The following TENM3 variants were observed in gnomAD, a reference collection of about 807,000 sequenced individuals.
TENM3 encodes the protein teneurin transmembrane protein 3, also known as teneurin-3.
In TENM3, 63 loss-of-function variants were observed where a neutral mutation model predicts 255.1. The ratio of observed to expected loss-of-function variants is 0.25; its 90% CI spans 0.20 to 0.30. The LOEUF (loss-of-function observed/expected upper bound fraction) is 0.30, where lower values mean the gene tolerates loss of function less well. Ranked by LOEUF, TENM3 falls within the 10% of genes least tolerant of loss-of-function variation. TENM3 has a pLI of 1.00. For missense variants in TENM3, 2,929 were observed against 3,461.1 expected (o/e 0.85, Z 3.86); for synonymous variants, 1,306 against 1,322.3 (o/e 0.99, Z 0.27).
At chr4:182,626,939 A>G (rs953062121) in intron 4 of TENM3, among the ~76,000 whole-genome samples, 4 of 152,150 alleles carry the variant, frequency 2.6e-5, no homozygotes, top group African/African-American at 4.8e-5. Context: ...AAGAAAAAAA[A>G]CTGAGGTTCC....
intron 12 of TENM3, among the ~76,000 whole-genome samples, chr4:182,705,307 C>G (rs1758191865): frequency 6.6e-6 from 1 of 152,168 alleles, no homozygotes; most frequent in Non-Finnish European, 1.5e-5. Context: ...TTATGAAATG[C>G]TCAATGCTAA....
chr4:181,909,493 C>T, the TENM3 span, among the ~76,000 whole-genome samples: 3 of 152,202 alleles, frequency 2.0e-5, no homozygotes, highest in East Asian at 1.9e-4. Context: ...TAAGTCCGGC[C>T]GCCTCACCCA....
the TENM3 span, among the ~76,000 whole-genome samples, chr4:182,076,255 G>C: frequency 4.0e-4 from 51 of 126,250 alleles, no homozygotes; most frequent in South Asian, 0.012. Context: ...TTGCTCTGTT[G>C]CCAGGTTGGC....
At position 182,656,582 on chromosome 4, in the gene TENM3, T is replaced by C. The variant is rs376252825; in HGVS notation, c.1111+2689T>C. Among the ~76,000 whole-genome samples, 9 of 152,138 alleles carry C rather than the reference T, an allele frequency of 5.9e-5. No individual in the cohort carries two copies. In the East Asian group the frequency reaches 1.7e-3, roughly 29 times the overall value. On this transcript the variant is annotated intron_variant, in intron 6 of 27. Transcript: ENST00000511685. The stretch of plus-strand genomic sequence containing the variant: ...TTTTATATGCTATCCAAGAAGCAGA[T>C]CACATCATCTCTTTAGAAATTCTAG...
chr4:181,520,604 C>A, the TENM3 span, among the ~76,000 whole-genome samples: 5 of 152,192 alleles, frequency 3.3e-5, no homozygotes, highest in African/African-American at 7.2e-5. Flanking sequence ...ACTTAAATAG[C>A]TTTGCCCAAG....
chr4:181,454,480 A>G, the TENM3 span, among the ~76,000 whole-genome samples: 1 of 152,100 alleles, frequency 6.6e-6, no homozygotes, highest in African/African-American at 2.4e-5. Context: ...AATAAAGTCT[A>G]CAGTAGTGTG....
intron 3 of TENM3, among the ~76,000 whole-genome samples, chr4:182,568,704 T>C (rs568029309): frequency 1.3e-5 from 2 of 152,320 alleles, no homozygotes; most frequent in African/African-American, 4.8e-5. Context: ...AGCACCCTTA[T>C]TCAGAATTAC....
the TENM3 span, among the ~76,000 whole-genome samples, chr4:182,014,668 T>C: frequency 6.6e-6 from 1 of 151,978 alleles, no homozygotes; most frequent in Admixed American, 6.6e-5. Context: ...GATCCTGAGG[T>C]GAGAAGCAAA....
At chr4:182,029,370 A>G in the TENM3 span, among the ~76,000 whole-genome samples, 1 of 152,170 alleles carries the variant, frequency 6.6e-6, no homozygotes, top group Non-Finnish European at 1.5e-5. Context: ...AACTATATCA[A>G]GTCCAATGTT....
At chr4:181,577,138 A>G in the TENM3 span, among the ~76,000 whole-genome samples, 1 of 134,550 alleles carries the variant, frequency 7.4e-6, no homozygotes, top group African/African-American at 2.8e-5. Context: ...TAATAATATA[A>G]TATATAATTA....
chr4:182,000,020 G>A, the TENM3 span, among the ~76,000 whole-genome samples: 4 of 152,022 alleles, frequency 2.6e-5, no homozygotes. Context: ...TAATCCATTT[G>A]ATGAAAATTA....
Position 182,365,914 on chromosome 4 carries a change from G to A in TENM3, c.511+18985G>A, listed in dbSNP as rs117892982. Reference sequence around the variant, plus strand: ...ACAGCCTGTTACTGTACAGAATACCGCAGGCATTCATAACACAATGGTATT... The same window carrying A: ...ACAGCCTGTTACTGTACAGAATACCACAGGCATTCATAACACAATGGTATT... On this transcript the variant is annotated intron_variant, in intron 3 of 27. Coordinates refer to ENST00000511685, the MANE Select transcript of TENM3 (RefSeq NM_001080477.4). 3.3e-4 allele frequency among the ~76,000 whole-genome samples: 50 copies of A among 152,224 alleles called. No individual in the cohort carries two copies. The East Asian group carries it at 5.4e-3, about 16-fold the overall frequency.
chr4:182,134,132 T>A, the TENM3 span, among the ~76,000 whole-genome samples: 1 of 152,204 alleles, frequency 6.6e-6, no homozygotes, highest in African/African-American at 2.4e-5. Flanking sequence ...CAAATTTCAA[T>A]AAGGAACCTC....
At chr4:182,137,162 C>T in the TENM3 span, among the ~76,000 whole-genome samples, 6 of 152,204 alleles carry the variant, frequency 3.9e-5, no homozygotes, top group African/African-American at 1.4e-4. Context: ...GTCACTCAAA[C>T]TGCACCAAAT....
At chr4:181,631,876 G>C in the TENM3 span, among the ~76,000 whole-genome samples, 1 of 152,160 alleles carries the variant, frequency 6.6e-6, no homozygotes, top group South Asian at 2.1e-4. Flanking sequence ...CTGCTCTAGT[G>C]TATCAACTTT....
the TENM3 span, among the ~76,000 whole-genome samples, chr4:181,538,012 T>C: frequency 1.3e-5 from 2 of 152,168 alleles, no homozygotes; most frequent in Admixed American, 6.5e-5. Flanking sequence ...TATTGATATA[T>C]TTGGTGAATT....
chr4:181,920,693 CT>C, the TENM3 span, among the ~76,000 whole-genome samples: 2 of 151,600 alleles, frequency 1.3e-5, no homozygotes, highest in Non-Finnish European at 2.9e-5. Flanking sequence ...TGCCTGTTCA[CT>C]CTGATGGTAG....
intron 3 of TENM3, among the ~76,000 whole-genome samples, chr4:182,417,124 C>A (rs1342854403): frequency 2.0e-5 from 3 of 152,050 alleles, no homozygotes; most frequent in African/African-American, 2.4e-5. Context: ...CAGGCGCCTG[C>A]CACCACGCCC....
chr4:182,436,258 A>T (rs1353496080), intron 3 of TENM3, among the ~76,000 whole-genome samples: 1 of 152,154 alleles, frequency 6.6e-6, no homozygotes, highest in African/African-American at 2.4e-5. Flanking sequence ...CCTTATCCAA[A>T]CGGACCGAGT....
Sources: gnomAD v4.1 joint callset for allele counts (sites outside exome capture counted in the v4.1 genomes callset) on GRCh38, gnomAD v4.1.1 for gene constraint, MANE v1.5 for transcripts, NCBI Gene and HGNC (gene_info 2026-07-23, HGNC 2026-07-21) for gene names.